GSR: variants seen among roughly 807,000 people sequenced by gnomAD.
The protein encoded by GSR is glutathione-disulfide reductase, also known as glutathione reductase, mitochondrial.
A neutral mutation model predicts 56.5 loss-of-function variants in GSR; 48 were observed. The ratio of observed to expected loss-of-function variants is 0.85; its 90% CI spans 0.67 to 1.08. GSR has a LOEUF of 1.08. Ranked by LOEUF, GSR falls within the 50% of genes least tolerant of loss-of-function variation. The probability of loss-of-function intolerance (pLI) is 0.00; values close to 1 mark genes in which losing one functional copy is unlikely to be tolerated. For missense variants in GSR, 694 were observed against 703.3 expected, an observed-to-expected ratio of 0.99 and a Z score of 0.15; for synonymous variants, 264 against 270.8, an observed-to-expected ratio of 0.97 and a Z score of 0.25.
chr8:30,685,733 C>A (rs1488773229), intron 9 of GSR, among the ~76,000 whole-genome samples: 1 of 151,896 alleles, frequency 6.6e-6, no homozygotes, highest in Non-Finnish European at 1.5e-5. Flanking sequence ...CCTAGCACTT[C>A]GGGAGGCCAA....
At chr8:30,681,077 A>C (rs1802939335) in intron 11 of GSR, 40 bp from the exon 12 acceptor site, 1 of 1,528,264 alleles carries the variant, frequency 6.5e-7, no homozygotes, top group African/African-American at 1.4e-5. Flanking sequence ...CAGAAAACTA[A>C]ACAATTACAC....
At position 30,727,746 on chromosome 8, in the gene GSR, C is replaced by A. The variant is rs1397107963; in HGVS notation, c.90G>T (p.Leu30=). 2 of 1,397,268 alleles carry A rather than the reference C, an allele frequency of 1.4e-6. No homozygotes were observed. Among genetic ancestry groups the A allele is most frequent in the South Asian group, 1.5e-5 (1 of 65,198 alleles). 86.6% of individuals were successfully genotyped at this position (1,397,268 alleles called of 1,614,324 possible). ...ARAFRGFLLL[L]PEPAALTRAL... is the part of the protein sequence containing the mutation. Reference sequence around the variant, plus strand: ...CGCGCGTGAGGGCCGCGGGCTCGGGCAGAAGCAGCAGGAAGCCTCGGAAGG... The same window carrying A: ...CGCGCGTGAGGGCCGCGGGCTCGGGAAGAAGCAGCAGGAAGCCTCGGAAGG... Residue 30 remains leucine (L), a synonymous_variant, in exon 1 of 13, where the codon CTG becomes CTT. Coordinates refer to ENST00000221130, the MANE Select transcript of GSR (RefSeq NM_000637.5).
At chr8:30,725,800 T>C (rs2128750119) in intron 1 of GSR, among the ~76,000 whole-genome samples, 1 of 146,574 alleles carries the variant, frequency 6.8e-6, no homozygotes, top group South Asian at 2.1e-4. Context: ...GAGAACTGCT[T>C]GAACCTGGGA....
chr8:30,703,221 C>T lies in GSR; in HGVS notation c.512G>A (p.Arg171His), dbSNP rs766106295. The change falls in exon 5 of 13, where the codon CGT (arginine) becomes CAT (histidine). Residue 171 changes from arginine to histidine, a missense_variant. By Grantham distance (29) the Arg-to-His change is conservative. Coordinates refer to ENST00000221130, the MANE Select transcript of GSR (RefSeq NM_000637.5). ...ATCACTCGTGAAGGCTGCATGGCCA[C>T]GGATGATTTCTATATGGGACTAAAG... ...NLTKSHIEII[R>H]GHAAFTSDPK... The T allele has an allele frequency of 1.5e-5, 25 of 1,613,968 alleles. No homozygotes were observed. Among genetic ancestry groups the T allele is most frequent in the Middle Eastern group, 1.6e-4 (1 of 6,062 alleles).
intron 1 of GSR, among the ~76,000 whole-genome samples, chr8:30,715,809 A>G (rs771633202): frequency 6.6e-6 from 1 of 152,178 alleles, no homozygotes; most frequent in African/African-American, 2.4e-5. Context: ...CTCACATACC[A>G]TCAGTTTGTT....
intron 4 of GSR, among the ~76,000 whole-genome samples, chr8:30,706,382 A>G (rs546903692): frequency 1.3e-5 from 2 of 152,180 alleles, no homozygotes; most frequent in African/African-American, 4.8e-5. Context: ...ACGTGCCTGT[A>G]GTCCCAGCTA....
At chr8:30,693,388 C>T (rs1307041490) in intron 7 of GSR, among the ~76,000 whole-genome samples, 1 of 152,146 alleles carries the variant, frequency 6.6e-6, no homozygotes, top group Non-Finnish European at 1.5e-5. Flanking sequence ...TCTGCTTTCC[C>T]TCTGATATGA....
chr8:30,693,583 C>T (rs1382344073), intron 7 of GSR, among the ~76,000 whole-genome samples: 2 of 151,538 alleles, frequency 1.3e-5, no homozygotes, highest in Admixed American at 1.3e-4. Context: ...GGCTGGAGTG[C>T]AGTGGTACCA....
Position 30,727,711 on chromosome 8 carries a change from C to G in GSR, c.125G>C (p.Arg42Pro). 5 of 1,416,766 alleles carry G rather than the reference C, an allele frequency of 3.5e-6. No individual in the cohort carries two copies. The highest frequency in any genetic ancestry group is 3.7e-6 in the Non-Finnish European group (4 of 1,092,530). The allele number at this position is 1,416,766 out of a possible 1,614,324, so 87.8% of individuals were successfully genotyped here. The change falls in exon 1 of 13, where the codon CGT (arginine) becomes CCT (proline). Residue 42 changes from arginine (R) to proline (P), a missense_variant. By Grantham distance (103) the Arg-to-Pro change is moderately radical. Coordinates refer to ENST00000221130, the MANE Select transcript of GSR (RefSeq NM_000637.5). ...EPAALTRALS[R>P]AMACRQEPQP... ...CGGCTCCTGCCTGCAGGCCATGGCA[C>G]GGGAGAGGGCGCGCGTGAGGGCCGC...
chr8:30,709,707 G>C (rs551194812), intron 3 of GSR, 107 bp downstream of exon 3: 1 of 729,310 alleles, frequency 1.4e-6, no homozygotes, highest in Non-Finnish European at 2.5e-6. Context: ...CTCGTATTGT[G>C]AATATTTACC....
chr8:30,706,780 T>C (rs936710826), intron 4 of GSR, among the ~76,000 whole-genome samples: 11 of 152,160 alleles, frequency 7.2e-5, no homozygotes, highest in African/African-American at 2.7e-4. Context: ...ATGTCATTCA[T>C]AAAAACAACC....
chr8:30,712,101 A>G lies in GSR; in HGVS notation c.307-13T>C. On this transcript the variant is annotated splice_polypyrimidine_tract_variant and intron_variant, in intron 1 of 12. Coordinates refer to ENST00000221130, the MANE Select transcript of GSR (RefSeq NM_000637.5). Reference sequence around the variant, plus strand: ...ATCCAACATTCACCTGGAAAAAAAAAAAAGAGACACACTTTAAGAATATTG... The same window carrying G: ...ATCCAACATTCACCTGGAAAAAAAAGAAAGAGACACACTTTAAGAATATTG... The G allele has an allele frequency of 7.1e-7, 1 of 1,409,444 alleles. No homozygotes were observed. Among genetic ancestry groups the G allele is most frequent in the Non-Finnish European group, 1.0e-6 (1 of 1,003,384 alleles). The allele number at this position is 1,409,444 out of a possible 1,614,324, so 87.3% of individuals were successfully genotyped here.
intron 1 of GSR, among the ~76,000 whole-genome samples, chr8:30,713,903 A>G (rs1162565731): frequency 1.3e-5 from 2 of 152,178 alleles, no homozygotes; most frequent in Non-Finnish European, 2.9e-5. Context: ...AACTACAGAC[A>G]GGTTAAATAT....
intron 6 of GSR, among the ~76,000 whole-genome samples, chr8:30,697,705 C>T (rs1462298500): frequency 6.6e-6 from 1 of 152,092 alleles, no homozygotes; most frequent in Non-Finnish European, 1.5e-5. Flanking sequence ...GCTCTTTAGC[C>T]TCATTTCTTC....
At chr8:30,682,349 A>G (rs1451353430) in intron 10 of GSR, among the ~76,000 whole-genome samples, 1 of 152,182 alleles carries the variant, frequency 6.6e-6, no homozygotes, top group African/African-American at 2.4e-5. Context: ...CCATGATGCC[A>G]CAAGCAGAAA....
chr8:30,681,925 C>T lies in GSR; in HGVS notation c.1285+5G>A. On this transcript the variant is annotated splice_donor_5th_base_variant and intron_variant, in intron 11 of 12. Transcript: ENST00000221130. ...ACAAATGACCTTCAGTTTTTAAATA[C>T]CTACCTTCCGTGAGTCCCACTGTCC... 1 of 1,613,602 alleles carries T rather than the reference C, an allele frequency of 6.2e-7. No individual in the cohort carries two copies. Among genetic ancestry groups the T allele is most frequent in the South Asian group, 1.1e-5 (1 of 91,064 alleles).
chr8:30,680,597 G>A (rs1372331809), intron 12 of GSR, among the ~76,000 whole-genome samples: 2 of 151,850 alleles, frequency 1.3e-5, no homozygotes, highest in African/African-American at 2.4e-5. Flanking sequence ...GTTTCACCAC[G>A]TTGGTCAGGC....
In GSR at chr8:30,681,122, T is replaced by C. The variant is rs534638290; in HGVS notation, c.1286-85A>G. The C allele has an allele frequency of 9.4e-5, 105 of 1,111,378 alleles. No individual in the cohort carries two copies. The South Asian group carries it at 1.2e-3, about 12-fold the overall frequency. The allele number at this position is 1,111,378 out of a possible 1,614,324, so 68.8% of individuals were successfully genotyped here. On this transcript the variant is annotated intron_variant, in intron 11 of 12. Transcript: ENST00000221130. Reference sequence around the variant, plus strand: ...AAAGAGGGAGATGACCAGAAATACATAACCTCAATCAAACCACGAGGAAAT... The same window carrying C: ...AAAGAGGGAGATGACCAGAAATACACAACCTCAATCAAACCACGAGGAAAT...
intron 8 of GSR, among the ~76,000 whole-genome samples, chr8:30,691,612 C>G (rs897289424): frequency 2.0e-5 from 3 of 148,092 alleles, no homozygotes; most frequent in African/African-American, 7.5e-5. Flanking sequence ...ATCTAGGAGG[C>G]AGAGGTTGCA....
Sources: allele counts gnomAD v4.1 joint callset (sites outside exome capture counted in the v4.1 genomes callset), GRCh38; gene constraint gnomAD v4.1.1; transcripts MANE v1.5; gene names NCBI Gene and HGNC (gene_info 2026-07-23, HGNC 2026-07-21).